Variants in LTBP1 observed in about 807,000 individuals in gnomAD.
The protein encoded by LTBP1 is latent transforming growth factor beta binding protein 1.
Under a neutral mutation model 207.6 loss-of-function variants are expected in LTBP1, and 129 were observed. The observed-to-expected ratio is 0.62, with a 90% CI of 0.54 to 0.72. LTBP1 has a LOEUF of 0.72. Among genes scored for constraint, LTBP1 ranks in the 30% least tolerant of loss-of-function variants. The pLI is 0.00. For missense variants in LTBP1, 2,281 were observed against 2,217.2 expected (o/e 1.03, Z -0.58); for synonymous variants, 963 against 833.7 (o/e 1.16, Z -2.67).
At chr2:33,358,377 A>T (rs1187726939) in intron 26 of LTBP1, among the ~76,000 whole-genome samples, 1 of 151,972 alleles carries the variant, frequency 6.6e-6, no homozygotes, top group African/African-American at 2.4e-5. Context: ...AATGTTTACC[A>T]TATATGTATT....
intron 9 of LTBP1, among the ~76,000 whole-genome samples, chr2:33,242,654 C>T (rs146708762): frequency 5.3e-4 from 80 of 150,260 alleles, no homozygotes; most frequent in African/African-American, 1.8e-3. Context: ...ATGTGTAGTC[C>T]AGTCAAGCAC....
rs1391734331 is a variant in LTBP1 at position 33,042,931 on chromosome 2, T to C, written c.863+21725T>C. On this transcript the variant is annotated intron_variant, in intron 3 of 33. Coordinates refer to ENST00000404816, the MANE Select transcript of LTBP1 (RefSeq NM_206943.4). Reference sequence around the variant, plus strand: ...TCTCTGACTTGCAGGCCTTGTGCCATTGGGAAAAAAAACAGCCAGGCCTAT... The same window carrying C: ...TCTCTGACTTGCAGGCCTTGTGCCACTGGGAAAAAAAACAGCCAGGCCTAT... Among the ~76,000 whole-genome samples the C allele has an allele frequency of 2.0e-5, 3 of 152,168 alleles. No individual in the cohort carries two copies. In the East Asian group the frequency reaches 5.8e-4, roughly 29 times the overall value.
chr2:33,184,992 G>T (rs187318417), intron 5 of LTBP1, among the ~76,000 whole-genome samples: 1 of 152,246 alleles, frequency 6.6e-6, no homozygotes, highest in East Asian at 1.9e-4. Flanking sequence ...GCCTAGATGA[G>T]GGGCAATGGG....
In LTBP1 at chr2:33,364,314, G is replaced by A. The variant is rs568071078; in HGVS notation, c.4498G>A (p.Asp1500Asn). ...NCFCTHPMVL[D>N]ASEKRCIRPA... Reference sequence around the variant, plus strand: ...CTTCTGTACTCACCCCATGGTCCTGGATGCGTCAGAAAAAAGATGTATACG... The same window carrying A: ...CTTCTGTACTCACCCCATGGTCCTGAATGCGTCAGAAAAAAGATGTATACG... Residue 1500 changes from aspartate (D) to asparagine (N), a missense_variant, in exon 30 of 34, where the codon GAT (aspartate) becomes AAT (asparagine). By Grantham distance (23) the Asp-to-Asn change is conservative. Around this residue, in one of 3 missense-constraint regions of LTBP1, gnomAD observed 1,671 missense variants for 1,634.8 expected, o/e 1.02. Coordinates refer to ENST00000404816, the MANE Select transcript of LTBP1 (RefSeq NM_206943.4). 4.3e-6 allele frequency: 7 copies of A among 1,614,016 alleles called. No individual in the cohort carries two copies. In the Admixed American group the frequency reaches 5.0e-5, roughly 12 times the overall value.
At position 33,399,050 on chromosome 2, in the gene LTBP1, G is replaced by A. The variant is rs1319077844; in HGVS notation, c.*505G>A. 1 of 152,632 alleles carries A rather than the reference G, an allele frequency of 6.6e-6. No homozygotes were observed. Among genetic ancestry groups the A allele is most frequent in the Non-Finnish European group, 1.5e-5 (1 of 68,048 alleles). The allele number at this position is 152,632 out of a possible 1,614,324, so 9.5% of individuals were successfully genotyped here. On this transcript the variant is annotated 3_prime_UTR_variant, in exon 34 of 34. Transcript: ENST00000404816. ...GTTACACAGGGTTATGCAATTCCCG[G>A]CCTGGAGCATTTTTGAAATTCAAAT...
intron 22 of LTBP1, among the ~76,000 whole-genome samples, chr2:33,302,036 A>G (rs866009988): frequency 6.6e-6 from 1 of 152,350 alleles, no homozygotes; most frequent in Middle Eastern, 3.4e-3. Context: ...AGAGCCAAAC[A>G]TCAATTCAGT....
At chr2:33,019,615 G>A (rs951428221) in intron 2 of LTBP1, among the ~76,000 whole-genome samples, 15 of 152,076 alleles carry the variant, frequency 9.9e-5, no homozygotes, top group Non-Finnish European at 4.4e-5. Flanking sequence ...GATTACAGGC[G>A]TGAGCCACTG....
At chr2:33,294,292 G>C (rs1450562282) in intron 20 of LTBP1, among the ~76,000 whole-genome samples, 1 of 151,998 alleles carries the variant, frequency 6.6e-6, no homozygotes, top group African/African-American at 2.4e-5. Context: ...TGCCTCCTGG[G>C]TTCTAGCGAA....
chr2:33,347,455 T>C lies in LTBP1; in HGVS notation c.3945T>C (p.Asp1315=). The change falls in exon 26 of 34, where the codon GAT becomes GAC. Residue 1315 remains aspartate (D), a synonymous_variant. Coordinates refer to ENST00000404816, the MANE Select transcript of LTBP1 (RefSeq NM_206943.4). ...VEGSFLCVCA[D]ENQEYSPMTG... ...GGTCCTTCCTGTGCGTGTGTGCTGATGAAAACCAAGAGTACAGCCCCATGA... is the reference window on the plus strand; with the variant it reads ...GGTCCTTCCTGTGCGTGTGTGCTGACGAAAACCAAGAGTACAGCCCCATGA... The C allele has an allele frequency of 6.2e-7, 1 of 1,614,186 alleles. No homozygotes were observed. Among genetic ancestry groups the C allele is most frequent in the Non-Finnish European group, 8.5e-7 (1 of 1,180,034 alleles).
chr2:33,294,823 T>C (rs7579452), intron 20 of LTBP1, among the ~76,000 whole-genome samples: 86,947 of 151,416 alleles, frequency 0.57, 25,937 homozygotes, highest in African/African-American at 0.73. Context: ...TTGATCCACC[T>C]GCCTCAGCCT....
chr2:33,050,770 G>T (rs1232844259), intron 3 of LTBP1, among the ~76,000 whole-genome samples: 2 of 147,550 alleles, frequency 1.4e-5, no homozygotes, highest in Admixed American at 6.8e-5. Flanking sequence ...GTCTCGCTCT[G>T]TTGCCCAGGC....
intron 10 of LTBP1, among the ~76,000 whole-genome samples, chr2:33,246,668 C>G (rs2092524582): frequency 6.6e-6 from 1 of 152,230 alleles, no homozygotes; most frequent in East Asian, 1.9e-4. Context: ...ACTCTCTGAA[C>G]TCCTGCACAT....
At chr2:33,167,961 A>G (rs917950386) in intron 5 of LTBP1, among the ~76,000 whole-genome samples, 1 of 152,220 alleles carries the variant, frequency 6.6e-6, no homozygotes, top group Non-Finnish European at 1.5e-5. Flanking sequence ...TGTATCTTAG[A>G]GGGAATGATC....
intron 32 of LTBP1, among the ~76,000 whole-genome samples, chr2:33,394,119 T>A (rs1057391988): frequency 6.6e-5 from 10 of 152,140 alleles, no homozygotes; most frequent in Non-Finnish European, 1.5e-4. Context: ...CATATCCTTC[T>A]CCCACTTTTT....
chr2:33,306,324 C>T (rs1473170220), intron 22 of LTBP1, among the ~76,000 whole-genome samples: 1 of 151,994 alleles, frequency 6.6e-6, no homozygotes, highest in Admixed American at 6.6e-5. Context: ...AATCCCAGCA[C>T]TTTGGGAGGC....
chr2:33,254,852 G>GTTTTT (rs70938393), intron 11 of LTBP1, among the ~76,000 whole-genome samples: 134 of 10,368 alleles, frequency 0.013, 9 homozygotes, highest in African/African-American at 0.027. Flanking sequence ...GCGGTGTTTG[G>GTTTTT]TTTTTTTTTT....
chr2:33,318,177 C>G (rs1036679472), intron 24 of LTBP1, among the ~76,000 whole-genome samples: 2 of 152,128 alleles, frequency 1.3e-5, no homozygotes, highest in African/African-American at 4.8e-5. Context: ...ATACTTCTAG[C>G]CCTAAGCATT....
intron 2 of LTBP1, among the ~76,000 whole-genome samples, chr2:32,968,918 T>TA (rs386389871): frequency 2.8e-5 from 1 of 35,318 alleles, no homozygotes; most frequent in African/African-American, 9.2e-5. Flanking sequence ...TGTGTGTGTA[T>TA]TTTTTTTTTT....
intron 3 of LTBP1, 128 bp from the exon 4 acceptor site, chr2:33,110,453 GA>G: frequency 5.6e-5 from 44 of 792,194 alleles, no homozygotes; most frequent in Admixed American, 8.3e-5. Flanking sequence ...GTATTTGAAG[GA>G]AAAAAAATGA....
Sources: gnomAD v4.1 joint callset for allele counts (sites outside exome capture counted in the v4.1 genomes callset) on GRCh38, gnomAD v4.1.1 for gene constraint, gnomAD v4.1.1 regional missense constraint, MANE v1.5 for transcripts, NCBI Gene and HGNC (gene_info 2026-07-23, HGNC 2026-07-21) for gene names.